Variants in VRK2 observed in about 807,000 individuals in gnomAD.
The protein encoded by VRK2 is VRK serine/threonine kinase 2.
Under a neutral mutation model 57.6 loss-of-function variants are expected in VRK2, and 60 were observed. The ratio of observed to expected loss-of-function variants is 1.04; its 90% CI spans 0.85 to 1.29. The LOEUF is 1.29. Ranked by LOEUF, VRK2 falls within the 50% of genes most tolerant of loss-of-function variation. The pLI, the probability that VRK2 is intolerant of heterozygous loss-of-function variation, is 0.00. For synonymous variants in VRK2, 231 were observed against 199.2 expected, an observed-to-expected ratio of 1.16 and a Z score of -1.35; for missense variants, 705 against 588.1, an observed-to-expected ratio of 1.20 and a Z score of -2.06.
chr2:58,130,888 G>T (rs1287984803), intron 8 of VRK2, among the ~76,000 whole-genome samples: 1 of 152,084 alleles, frequency 6.6e-6, no homozygotes, highest in Non-Finnish European at 1.5e-5. Context: ...AATTATTTCA[G>T]TGGTTTGTTA....
intron 7 of VRK2, among the ~76,000 whole-genome samples, chr2:58,103,093 A>T (rs1553407829): frequency 6.6e-6 from 1 of 151,562 alleles, no homozygotes; most frequent in Non-Finnish European, 1.5e-5. Flanking sequence ...AGCACTGCTA[A>T]CAGGGAAGTT....
chr2:58,136,754 C>T (rs1680079968), intron 10 of VRK2, among the ~76,000 whole-genome samples: 1 of 145,330 alleles, frequency 6.9e-6, no homozygotes, highest in Admixed American at 7.0e-5. Flanking sequence ...GGGAAGATGT[C>T]ATTAACATAT....
intron 1 of VRK2, among the ~76,000 whole-genome samples, chr2:57,979,129 T>C (rs913291119): frequency 6.6e-6 from 1 of 151,224 alleles, no homozygotes; most frequent in African/African-American, 2.5e-5. Flanking sequence ...TAAACATACG[T>C]GTGCATGTGT....
intron 2 of VRK2, among the ~76,000 whole-genome samples, chr2:58,082,603 C>A (rs1221013061): frequency 2.0e-5 from 3 of 150,730 alleles, no homozygotes; most frequent in South Asian, 4.1e-4. Context: ...TGGACTCTGT[C>A]CCCTGTGTAT....
chr2:58,088,781 A>G (rs759490924), intron 6 of VRK2, among the ~76,000 whole-genome samples: 4 of 152,238 alleles, frequency 2.6e-5, no homozygotes, highest in African/African-American at 4.8e-5. Context: ...TTATGGCAAA[A>G]TATATTGTCA....
At chr2:58,013,043 T>A (rs1283907362) in intron 1 of VRK2, among the ~76,000 whole-genome samples, 1 of 152,194 alleles carries the variant, frequency 6.6e-6, no homozygotes, top group East Asian at 1.9e-4. Flanking sequence ...AGAGCAACGT[T>A]TAAATTTTAG....
At chr2:58,063,723 C>T (rs1677708613) in intron 2 of VRK2, among the ~76,000 whole-genome samples, 2 of 152,018 alleles carry the variant, frequency 1.3e-5, no homozygotes, top group Admixed American at 6.6e-5. Context: ...CTTTAACTTT[C>T]AAGTTCTTAC....
In VRK2 at chr2:58,086,357, GCAAA is replaced by G; in HGVS notation, c.279_282del (p.Lys93AsnfsTer5). The G allele has an allele frequency of 6.2e-7, 1 of 1,603,994 alleles. No individual in the cohort carries two copies. Among genetic ancestry groups the G allele is most frequent in the Non-Finnish European group, 8.5e-7 (1 of 1,176,908 alleles). On this transcript the variant is annotated frameshift_variant, in exon 5 of 13. Coordinates refer to ENST00000340157, the MANE Select transcript of VRK2 (RefSeq NM_006296.7). LOFTEE classifies it high-confidence loss of function. ...TTTGTAGTCAAAAAGTGGATAGAAC[GCAAA>G]CAACTTGATTATTTAGGAATTCCTC...
At chr2:57,932,419 C>A (rs1248294529) in intron 1 of VRK2, among the ~76,000 whole-genome samples, 1 of 152,094 alleles carries the variant, frequency 6.6e-6, no homozygotes, top group Non-Finnish European at 1.5e-5. Context: ...ATATAAAATT[C>A]ATCTTATTGA....
chr2:58,109,481 G>T (rs1027285735), intron 7 of VRK2, among the ~76,000 whole-genome samples: 1 of 152,108 alleles, frequency 6.6e-6, no homozygotes, highest in Non-Finnish European at 1.5e-5. Flanking sequence ...AAGAAAAGAG[G>T]TTTAATTGAC....
At chr2:58,154,200 A>C (rs1211101867) in intron 12 of VRK2, among the ~76,000 whole-genome samples, 1 of 151,948 alleles carries the variant, frequency 6.6e-6, no homozygotes, top group African/African-American at 2.4e-5. Context: ...TAGTCTTGCT[A>C]GTTTGTCATT....
chr2:58,119,755 C>T (rs991216612), intron 7 of VRK2, among the ~76,000 whole-genome samples: 1 of 150,720 alleles, frequency 6.6e-6, no homozygotes, highest in African/African-American at 2.4e-5. Context: ...GAATTTTCTA[C>T]AGGATATTTA....
intron 1 of VRK2, among the ~76,000 whole-genome samples, chr2:57,976,767 T>C (rs1450154712): frequency 6.6e-6 from 1 of 152,154 alleles, no homozygotes; most frequent in Non-Finnish European, 1.5e-5. Flanking sequence ...CAATTGCTTT[T>C]GGAGAATTTG....
At chr2:57,936,693 T>C (rs1045941196) in intron 1 of VRK2, among the ~76,000 whole-genome samples, 3 of 152,108 alleles carry the variant, frequency 2.0e-5, no homozygotes, top group Non-Finnish European at 4.4e-5. Flanking sequence ...TAGTAGAATA[T>C]GATGTATTTT....
chr2:58,059,389 C>G (rs867997531), intron 2 of VRK2, among the ~76,000 whole-genome samples: 1 of 151,822 alleles, frequency 6.6e-6, no homozygotes, highest in Admixed American at 6.6e-5. Context: ...CTGTTTAAAT[C>G]TCTGTGATAT....
intron 2 of VRK2, among the ~76,000 whole-genome samples, chr2:58,067,327 C>CA (rs1419811671): frequency 2.6e-5 from 4 of 152,176 alleles, no homozygotes; most frequent in Admixed American, 2.6e-4. Context: ...ATCCTTAATA[C>CA]ACTCCTTAAT....
intron 7 of VRK2, among the ~76,000 whole-genome samples, chr2:58,115,249 A>G (rs1676255267): frequency 6.6e-6 from 1 of 152,066 alleles, no homozygotes; most frequent in Non-Finnish European, 1.5e-5. Context: ...CAGGTGGATC[A>G]GAGAGATACA....
intron 7 of VRK2, among the ~76,000 whole-genome samples, chr2:58,111,473 C>G (rs909922970): frequency 1.3e-5 from 2 of 152,130 alleles, no homozygotes; most frequent in African/African-American, 4.8e-5. Flanking sequence ...ATTAAGGAGT[C>G]TGGGCGTGGC....
chr2:58,032,424 T>C (rs1674144157), intron 2 of VRK2, among the ~76,000 whole-genome samples: 1 of 152,074 alleles, frequency 6.6e-6, no homozygotes, highest in African/African-American at 2.4e-5. Context: ...GCATGTGTCC[T>C]TCCGTGGCAG....
Sources: allele counts gnomAD v4.1 joint callset (sites outside exome capture counted in the v4.1 genomes callset), GRCh38; gene constraint gnomAD v4.1.1; transcripts MANE v1.5; gene names NCBI Gene and HGNC (gene_info 2026-07-23, HGNC 2026-07-21).